The following RNF150 variants were observed in gnomAD, a reference collection of about 807,000 sequenced individuals.
RNF150 encodes ring finger protein 150.
RNF150 carries 24 observed loss-of-function variants against 39.3 expected under a neutral mutation model. The observed-to-expected ratio is 0.61, with a 90% confidence interval of 0.44 to 0.86. RNF150 has a LOEUF of 0.86. Ranked by LOEUF, RNF150 falls within the 40% of genes least tolerant of loss-of-function variation. The probability of loss-of-function intolerance (pLI) is 0.00; values close to 1 mark genes in which losing one functional copy is unlikely to be tolerated. For missense variants in RNF150, 502 were observed against 587.8 expected, an observed-to-expected ratio of 0.85 and a Z score of 1.51; for synonymous variants, 255 against 227.3, an observed-to-expected ratio of 1.12 and a Z score of -1.10.
At chr4:141,006,419 A>C (rs1319735454) in intron 1 of RNF150, among the ~76,000 whole-genome samples, 2 of 152,174 alleles carry the variant, frequency 1.3e-5, no homozygotes, top group African/African-American at 4.8e-5. Flanking sequence ...CAGCAGTAAA[A>C]TTGATCAACA....
At chr4:141,058,021 A>G (rs995516628) in intron 1 of RNF150, among the ~76,000 whole-genome samples, 1 of 152,196 alleles carries the variant, frequency 6.6e-6, no homozygotes, top group Non-Finnish European at 1.5e-5. Flanking sequence ...GAACTCCCAG[A>G]TGAAGCAAAT....
chr4:140,936,959 TGAGA>T (rs1048999607), intron 4 of RNF150, among the ~76,000 whole-genome samples: 1 of 152,208 alleles, frequency 6.6e-6, no homozygotes, highest in African/African-American at 2.4e-5. Context: ...TCCATGGTTC[TGAGA>T]GAGTGCTAGC....
At chr4:141,151,861 T>G (rs940346869) in intron 1 of RNF150, among the ~76,000 whole-genome samples, 2 of 152,196 alleles carry the variant, frequency 1.3e-5, no homozygotes, top group African/African-American at 4.8e-5. Flanking sequence ...GAAAATTTCT[T>G]TAGTAAACCA....
chr4:141,207,079 C>T (rs1452821002), intron 1 of RNF150, among the ~76,000 whole-genome samples: 1 of 152,162 alleles, frequency 6.6e-6, no homozygotes, highest in East Asian at 1.9e-4. Context: ...GGATGGTACT[C>T]ACCCACATTG....
At position 140,948,031 on chromosome 4, in the gene RNF150, AAAT is replaced by A. The variant is rs1732392868; in HGVS notation, c.808-298_808-296del. Among the ~76,000 whole-genome samples the A allele has an allele frequency of 9.8e-5, 15 of 152,350 alleles. No individual in the cohort carries two copies. In the South Asian group the frequency reaches 2.7e-3, roughly 27 times the overall value. ...AACATATCAAAATTTTCAGGATGAG[AAAT>A]AATATTTGTGGTGAATCATCTGAAT... is the stretch of plus-strand genomic sequence containing the variant. On this transcript the variant is annotated intron_variant, in intron 3 of 6. Transcript: ENST00000515673.
At chr4:141,017,863 T>C (rs1560691041) in intron 1 of RNF150, among the ~76,000 whole-genome samples, 1 of 152,186 alleles carries the variant, frequency 6.6e-6, no homozygotes, top group Non-Finnish European at 1.5e-5. Flanking sequence ...AAATATTCCC[T>C]TGGTTATATG....
At chr4:140,911,113 G>C (rs1361861077) in intron 6 of RNF150, 31 bp downstream of exon 6, 1 of 1,562,636 alleles carries the variant, frequency 6.4e-7, no homozygotes. Flanking sequence ...AGTCCTTCTG[G>C]CTATGTCACT....
chr4:141,088,263 C>T (rs2111000203), intron 1 of RNF150, among the ~76,000 whole-genome samples: 1 of 152,274 alleles, frequency 6.6e-6, no homozygotes, highest in Admixed American at 6.5e-5. Context: ...ACACTGTGTC[C>T]TGAAACTCAT....
intron 1 of RNF150, among the ~76,000 whole-genome samples, chr4:141,198,988 T>C (rs1274395295): frequency 1.3e-5 from 2 of 152,162 alleles, no homozygotes; most frequent in Non-Finnish European, 2.9e-5. Context: ...GCAAATATTC[T>C]CATATTCAGA....
At chr4:141,029,247 T>C (rs942864939) in intron 1 of RNF150, among the ~76,000 whole-genome samples, 4 of 152,192 alleles carry the variant, frequency 2.6e-5, no homozygotes, top group African/African-American at 9.7e-5. Flanking sequence ...TATCACTTCA[T>C]TGATAATGTA....
At chr4:141,009,744 C>A (rs769237566) in intron 1 of RNF150, among the ~76,000 whole-genome samples, 1 of 152,168 alleles carries the variant, frequency 6.6e-6, no homozygotes, top group Non-Finnish European at 1.5e-5. Flanking sequence ...CATCTAGTTT[C>A]TTTCCCTCTC....
intron 2 of RNF150, among the ~76,000 whole-genome samples, chr4:140,962,573 ATT>A (rs1239414335): frequency 6.6e-6 from 1 of 151,820 alleles, no homozygotes; most frequent in Admixed American, 6.6e-5. Flanking sequence ...TCTCATTTTC[ATT>A]GCCTTGTGTT....
At chr4:141,123,512 T>A (rs1726667311) in intron 1 of RNF150, among the ~76,000 whole-genome samples, 1 of 152,254 alleles carries the variant, frequency 6.6e-6, no homozygotes, top group East Asian at 1.9e-4. Flanking sequence ...TGTGCAACCC[T>A]TGCTGACATC....
intron 1 of RNF150, among the ~76,000 whole-genome samples, chr4:141,086,706 T>C (rs1268166671): frequency 6.6e-6 from 1 of 151,592 alleles, no homozygotes; most frequent in Non-Finnish European, 1.5e-5. Context: ...TCTTCAGGTA[T>C]TGAAGACAGA....
chr4:140,882,743 C>T (rs1729423003), intron 6 of RNF150, among the ~76,000 whole-genome samples: 1 of 152,032 alleles, frequency 6.6e-6, no homozygotes, highest in African/African-American at 2.4e-5. Context: ...CCTCTGTTCT[C>T]TCTGGTTACC....
intron 2 of RNF150, among the ~76,000 whole-genome samples, chr4:140,949,744 C>A (rs1392333969): frequency 1.8e-4 from 27 of 151,726 alleles, no homozygotes; most frequent in Admixed American, 1.8e-3. Context: ...ACAGAGATAG[C>A]CAATCTGGAG....
rs1423051443 is a variant in RNF150 at position 141,132,213 on chromosome 4, G to A, written c.484+112C>T. ...TAATCGGTCCAGGGAACCCAGACAC[G>A]TCTTCCGCGCCGCACGGACTTCCCA... is the stretch of plus-strand genomic sequence containing the variant. On this transcript the variant is annotated intron_variant, in intron 1 of 6. Coordinates refer to ENST00000515673, the MANE Select transcript of RNF150 (RefSeq NM_020724.2). This position sits in a 1 kb window ranked among gnomAD's most constrained non-coding sequence, Gnocchi z 4.9. 4.4e-6 allele frequency: 5 copies of A among 1,144,412 alleles called. No homozygotes were observed. The highest frequency in any genetic ancestry group is 6.2e-6 in the Non-Finnish European group (5 of 807,876). The allele number at this position is 1,144,412 out of a possible 1,614,324, so 70.9% of individuals were successfully genotyped here. A position where few individuals can be genotyped will look rare whatever the true frequency, so the allele number is the denominator to read the frequency against.
At chr4:141,026,620 G>A (rs556833360) in intron 1 of RNF150, among the ~76,000 whole-genome samples, 1 of 152,280 alleles carries the variant, frequency 6.6e-6, no homozygotes, top group East Asian at 1.9e-4. Context: ...AAGCTTCTTA[G>A]ACCCTTCAAC....
At chr4:141,106,040 C>T (rs1421642598) in intron 1 of RNF150, among the ~76,000 whole-genome samples, 1 of 152,202 alleles carries the variant, frequency 6.6e-6, no homozygotes, top group Non-Finnish European at 1.5e-5. Flanking sequence ...CTGGCCCACT[C>T]ACCTTACTTT....
Sources: allele counts gnomAD v4.1 joint callset (sites outside exome capture counted in the v4.1 genomes callset), GRCh38; gene constraint gnomAD v4.1.1; non-coding constraint Gnocchi (gnomAD v3.1); transcripts MANE v1.5; gene names NCBI Gene and HGNC (gene_info 2026-07-23, HGNC 2026-07-21).